The following LRRC7 variants were observed in gnomAD, a reference collection of about 807,000 sequenced individuals.
LRRC7 encodes leucine rich repeat containing 7.
LRRC7 carries 23 observed loss-of-function variants against 175.7 expected under a neutral mutation model. The observed-to-expected ratio is 0.13, with a 90% CI of 0.09 to 0.19. The LOEUF (loss-of-function observed/expected upper bound fraction) is 0.19, where lower values mean the gene tolerates loss of function less well. LRRC7 is among the 10% of genes least tolerant of loss of function. The probability of loss-of-function intolerance (pLI) is 1.00; values close to 1 mark genes in which losing one functional copy is unlikely to be tolerated. For missense variants in LRRC7, 1,354 were observed against 1,904.7 expected (o/e 0.71, Z 5.38); for synonymous variants, 685 against 680.9 (o/e 1.01, Z -0.09).
chr1:69,773,006 G>A (rs1280704194), intron 3 of LRRC7, among the ~76,000 whole-genome samples: 1 of 152,170 alleles, frequency 6.6e-6, no homozygotes, highest in Non-Finnish European at 1.5e-5. Context: ...AAACCTGATT[G>A]AAGTCTATTA....
intron 1 of LRRC7, among the ~76,000 whole-genome samples, chr1:69,568,970 G>T (rs1371026066): frequency 1.3e-5 from 2 of 152,180 alleles, no homozygotes; most frequent in Non-Finnish European, 2.9e-5. Flanking sequence ...CATTGGTTCC[G>T]CTGAAATTAG....
chr1:69,841,055 A>G (rs1035728642), intron 7 of LRRC7, among the ~76,000 whole-genome samples: 1 of 152,050 alleles, frequency 6.6e-6, no homozygotes, highest in Non-Finnish European at 1.5e-5. Flanking sequence ...AGGGTTAGGA[A>G]TTAAAGAGAA....
chr1:69,941,663 G>A (rs1648723478), intron 8 of LRRC7, among the ~76,000 whole-genome samples: 1 of 151,828 alleles, frequency 6.6e-6, no homozygotes, highest in Non-Finnish European at 1.5e-5. Context: ...ATAAAAAAAA[G>A]AAACTACAAA....
chr1:69,705,207 A>C (rs1442785940), intron 2 of LRRC7, among the ~76,000 whole-genome samples: 1 of 152,120 alleles, frequency 6.6e-6, no homozygotes, highest in African/African-American at 2.4e-5. Flanking sequence ...TTTTCACTAC[A>C]ATTACTTGGC....
chr1:69,805,373 A>G (rs918688079), intron 4 of LRRC7, among the ~76,000 whole-genome samples: 3 of 151,844 alleles, frequency 2.0e-5, no homozygotes, highest in Non-Finnish European at 4.4e-5. Context: ...TAGTGTATAC[A>G]TTATAAATTC....
At chr1:69,701,157 C>T (rs192798997) in intron 2 of LRRC7, among the ~76,000 whole-genome samples, 171 of 152,252 alleles carry the variant, frequency 1.1e-3, no homozygotes, top group Middle Eastern at 3.4e-3. Context: ...TCAATAAACT[C>T]CTCTCTAAAT....
At chr1:70,036,738 C>T in intron 20 of LRRC7, 114 bp downstream of exon 20, 1 of 1,096,790 alleles carries the variant, frequency 9.1e-7, no homozygotes, top group Non-Finnish European at 1.3e-6. Flanking sequence ...GCATAGAAGA[C>T]AGAAGGGGCA....
chr1:69,734,492 T>G (rs1025803918), intron 2 of LRRC7, among the ~76,000 whole-genome samples: 3 of 152,086 alleles, frequency 2.0e-5, no homozygotes, highest in African/African-American at 7.2e-5. Flanking sequence ...ATAAACAATA[T>G]GAACTTCTTA....
In LRRC7 at chr1:69,802,054, G is replaced by C. The variant is rs545290072; in HGVS notation, c.421+9894G>C. Reference sequence around the variant, plus strand: ...GAGTTTTCCTTGGTATTGATTTCTAGTTTTATTCCGCTGTAGTCTGAGAAT... The same window carrying C: ...GAGTTTTCCTTGGTATTGATTTCTACTTTTATTCCGCTGTAGTCTGAGAAT... On this transcript the variant is annotated intron_variant, in intron 4 of 26. Transcript: ENST00000651989. Among the ~76,000 whole-genome samples the C allele has an allele frequency of 2.6e-5, 4 of 151,000 alleles. No individual in the cohort carries two copies. The East Asian group carries it at 7.8e-4, about 29-fold the overall frequency.
chr1:70,072,432 T>C (rs916580229), intron 23 of LRRC7, among the ~76,000 whole-genome samples: 2 of 152,230 alleles, frequency 1.3e-5, no homozygotes, highest in African/African-American at 4.8e-5. Context: ...CTCTTTACAG[T>C]CCTTCTGAAC....
chr1:69,884,680 C>A (rs1268219173), intron 7 of LRRC7, among the ~76,000 whole-genome samples: 2 of 142,106 alleles, frequency 1.4e-5, no homozygotes, highest in African/African-American at 5.5e-5. Flanking sequence ...GAGAGGGCAT[C>A]CCTGTCTTGT....
At chr1:69,610,108 C>T (rs1181804183) in intron 1 of LRRC7, among the ~76,000 whole-genome samples, 1 of 152,030 alleles carries the variant, frequency 6.6e-6, no homozygotes, top group East Asian at 1.9e-4. Context: ...ATATCTCTGA[C>T]AGATAAGAAC....
At chr1:69,781,733 A>AAGAAAG (rs1491193080) in intron 3 of LRRC7, among the ~76,000 whole-genome samples, 32 of 23,536 alleles carry the variant, frequency 1.4e-3, no homozygotes, top group East Asian at 1.9e-3. Flanking sequence ...GAAAGAAAGA[A>AAGAAAG]AGAGAGAGAG....
intron 1 of LRRC7, among the ~76,000 whole-genome samples, chr1:69,648,908 C>A (rs137991370): frequency 6.6e-6 from 1 of 151,734 alleles, no homozygotes; most frequent in African/African-American, 2.4e-5. Context: ...AAAGGTATCA[C>A]TATGAGAAAA....
At chr1:69,585,883 C>T (rs1371445085) in intron 1 of LRRC7, among the ~76,000 whole-genome samples, 1 of 152,148 alleles carries the variant, frequency 6.6e-6, no homozygotes, top group Admixed American at 6.6e-5. Context: ...GCAAACTGTT[C>T]CATTGTTTAT....
At chr1:70,062,600 A>T (rs1318601706) in intron 23 of LRRC7, among the ~76,000 whole-genome samples, 1 of 152,106 alleles carries the variant, frequency 6.6e-6, no homozygotes, top group Middle Eastern at 3.2e-3. Flanking sequence ...GCCAATGCCA[A>T]ATAAACCAAA....
chr1:69,882,494 A>G (rs1686719767), intron 7 of LRRC7, among the ~76,000 whole-genome samples: 1 of 152,214 alleles, frequency 6.6e-6, no homozygotes, highest in South Asian at 2.1e-4. Flanking sequence ...AAGAAATTGC[A>G]TTATATATGT....
intron 2 of LRRC7, among the ~76,000 whole-genome samples, chr1:69,692,700 T>C (rs1662039381): frequency 1.3e-5 from 2 of 152,206 alleles, no homozygotes; most frequent in Non-Finnish European, 2.9e-5. Context: ...TGACTTAATG[T>C]CAGCTGTATG....
intron 8 of LRRC7, among the ~76,000 whole-genome samples, chr1:69,959,009 G>A (rs1229602698): frequency 6.6e-6 from 1 of 152,090 alleles, no homozygotes; most frequent in African/African-American, 2.4e-5. Context: ...GTGATGAGCT[G>A]TGGTAAAAAG....
Sources: allele counts gnomAD v4.1 joint callset (sites outside exome capture counted in the v4.1 genomes callset), GRCh38; gene constraint gnomAD v4.1.1; transcripts MANE v1.5; gene names NCBI Gene and HGNC (gene_info 2026-07-23, HGNC 2026-07-21).